ARHGAP10: variants seen among roughly 807,000 people sequenced by gnomAD.
ARHGAP10 encodes rho GTPase-activating protein 10.
ARHGAP10 carries 87 observed loss-of-function variants against 108.6 expected under a neutral mutation model. The ratio of observed to expected loss-of-function variants is 0.80; its 90% CI spans 0.67 to 0.96. The LOEUF is 0.96. Among genes scored for constraint, ARHGAP10 ranks in the 40% least tolerant of loss-of-function variants. ARHGAP10 has a pLI of 0.00. For missense variants in ARHGAP10, 939 were observed against 954.5 expected (o/e 0.98, Z 0.21); for synonymous variants, 347 against 341.1 (o/e 1.02, Z -0.19).
At chr4:147,838,132 A>T (rs1297457682) in intron 3 of ARHGAP10, among the ~76,000 whole-genome samples, 1 of 152,184 alleles carries the variant, frequency 6.6e-6, no homozygotes, top group Non-Finnish European at 1.5e-5. Context: ...CTTTGAGATT[A>T]GTATATTCAT....
At chr4:147,863,794 T>C (rs1734426463) in intron 5 of ARHGAP10, 1 of 152,238 alleles carries the variant, frequency 6.6e-6, no homozygotes, top group African/African-American at 2.4e-5. Flanking sequence ...TAACACGTTA[T>C]GTTTCAATAT....
rs191436105 is a variant in ARHGAP10 at position 147,736,911 on chromosome 4, C to T, written c.154+4456C>T. On this transcript the variant is annotated intron_variant, in intron 1 of 22. Transcript: ENST00000336498. ...AGGCTTCCTTTTGTCATAGGAGACG[C>T]GAAGAAGGATGGTTTTCTACTTTTC... 2.0e-4 allele frequency among the ~76,000 whole-genome samples: 30 copies of T among 152,214 alleles called. No individual in the cohort carries two copies. The East Asian group carries it at 3.3e-3, about 17-fold the overall frequency.
intron 10 of ARHGAP10, among the ~76,000 whole-genome samples, chr4:147,888,568 C>G (rs940349366): frequency 6.6e-6 from 1 of 152,052 alleles, no homozygotes; most frequent in Non-Finnish European, 1.5e-5. Context: ...TTCTAAAGCT[C>G]CTTGGTTAAC....
chr4:147,763,746 CTTTTTTTTTTT>C (rs35774782), intron 1 of ARHGAP10, among the ~76,000 whole-genome samples: 1 of 93,170 alleles, frequency 1.1e-5, no homozygotes, highest in South Asian at 4.3e-4. Context: ...ATGGTGATTC[CTTTTTTTTTTT>C]TTTTTTTTTT....
chr4:147,879,138 C>T (rs1735221392), intron 8 of ARHGAP10, 94 bp from the exon 9 acceptor site: 10 of 927,050 alleles, frequency 1.1e-5, no homozygotes, highest in East Asian at 2.5e-5. Flanking sequence ...TTCGTTGCTG[C>T]GTTTTAGACA....
At chr4:147,762,446 A>C (rs1256745895) in intron 1 of ARHGAP10, among the ~76,000 whole-genome samples, 1 of 152,160 alleles carries the variant, frequency 6.6e-6, no homozygotes, top group African/African-American at 2.4e-5. Context: ...AGGTTTAACA[A>C]AAGGAAAACA....
intron 10 of ARHGAP10, among the ~76,000 whole-genome samples, chr4:147,904,250 A>G (rs1029279810): frequency 2.6e-5 from 4 of 151,836 alleles, no homozygotes; most frequent in Admixed American, 6.6e-5. Flanking sequence ...TTATTATTAT[A>G]CTTTAAGTTT....
At chr4:147,770,760 G>A (rs1327431276) in intron 1 of ARHGAP10, among the ~76,000 whole-genome samples, 1 of 152,148 alleles carries the variant, frequency 6.6e-6, no homozygotes, top group African/African-American at 2.4e-5. Flanking sequence ...CTGAGCTTCG[G>A]TGTTTGTTTT....
At chr4:147,909,964 C>A (rs908376906) in intron 12 of ARHGAP10, among the ~76,000 whole-genome samples, 187 bp downstream of exon 12, 1 of 152,118 alleles carries the variant, frequency 6.6e-6, no homozygotes, top group Non-Finnish European at 1.5e-5. Context: ...CTCAACATTT[C>A]TTGGACTACT....
chr4:147,894,281 C>G (rs1337699480), intron 10 of ARHGAP10, among the ~76,000 whole-genome samples: 1 of 152,122 alleles, frequency 6.6e-6, no homozygotes, highest in Non-Finnish European at 1.5e-5. Context: ...GGTTATGTTA[C>G]TCTTTTTCAT....
rs57931206 is a variant in ARHGAP10, at chr4:148,043,614, A to AATATATAT, written c.1868-3247_1868-3240dup. ...GACAACATAGGGAGACCCTCTCTCT[A>AATATATAT]ATATATATATATATATATATATATA... On this transcript the variant is annotated intron_variant, in intron 19 of 22. Transcript: ENST00000336498. Among the ~76,000 whole-genome samples the AATATATAT allele has an allele frequency of 7.6e-3, 415 of 54,908 alleles. 9 individuals carry two copies. Among genetic ancestry groups the AATATATAT allele is most frequent in the African/African-American group, 0.016 (270 of 17,418 alleles). 36.0% of individuals were successfully genotyped at this position (54,908 alleles called of 152,430 possible). A position where few individuals can be genotyped will look rare whatever the true frequency, so the allele number is the denominator to read the frequency against.
At chr4:147,950,091 T>C (rs1458486723) in intron 15 of ARHGAP10, among the ~76,000 whole-genome samples, 1 of 152,186 alleles carries the variant, frequency 6.6e-6, no homozygotes, top group East Asian at 1.9e-4. Context: ...GAAATGTTAT[T>C]ATTATATAAC....
At chr4:148,008,979 T>G (rs1282650426) in intron 18 of ARHGAP10, among the ~76,000 whole-genome samples, 2 of 152,182 alleles carry the variant, frequency 1.3e-5, no homozygotes, top group Non-Finnish European at 2.9e-5. Context: ...AAAATCATTA[T>G]GTTAATATGT....
At chr4:148,016,997 A>C (rs1373493594) in intron 18 of ARHGAP10, among the ~76,000 whole-genome samples, 4 of 151,732 alleles carry the variant, frequency 2.6e-5, no homozygotes, top group African/African-American at 4.8e-5. Flanking sequence ...AAAAAAAAAA[A>C]AAAAAAAACC....
chr4:147,850,276 C>T (rs778426144), intron 4 of ARHGAP10, among the ~76,000 whole-genome samples: 12 of 152,180 alleles, frequency 7.9e-5, no homozygotes, highest in Non-Finnish European at 1.6e-4. Context: ...AGGCCGTGGA[C>T]GGGGCCAAGT....
At chr4:148,016,763 C>A (rs1411916149) in intron 18 of ARHGAP10, among the ~76,000 whole-genome samples, 1 of 152,106 alleles carries the variant, frequency 6.6e-6, no homozygotes, top group Non-Finnish European at 1.5e-5. Context: ...ATGCTGGTCG[C>A]AGGTCCGGGC....
chr4:147,952,676 C>T (rs751139286), intron 15 of ARHGAP10, among the ~76,000 whole-genome samples: 3 of 152,024 alleles, frequency 2.0e-5, no homozygotes, highest in African/African-American at 7.2e-5. Context: ...TAGATACCTG[C>T]TTTACAAGTA....
chr4:147,779,208 G>C (rs374490015), intron 1 of ARHGAP10, among the ~76,000 whole-genome samples: 3 of 152,152 alleles, frequency 2.0e-5, no homozygotes, highest in African/African-American at 7.2e-5. Context: ...GCTGTGGGGA[G>C]CATGTAAGCT....
At chr4:147,886,061 G>C (rs772016509) in intron 10 of ARHGAP10, among the ~76,000 whole-genome samples, 2 of 152,154 alleles carry the variant, frequency 1.3e-5, no homozygotes, top group Non-Finnish European at 2.9e-5. Flanking sequence ...TTACCTACAG[G>C]CTACAGGTAT....
Sources: allele counts gnomAD v4.1 joint callset (sites outside exome capture counted in the v4.1 genomes callset), GRCh38; gene constraint gnomAD v4.1.1; transcripts MANE v1.5; gene names NCBI Gene and HGNC (gene_info 2026-07-23, HGNC 2026-07-21).